ZFHX4: variants seen among roughly 807,000 people sequenced by gnomAD.
ZFHX4 encodes the protein zinc finger homeobox 4.
Under a neutral mutation model 267.6 loss-of-function variants are expected in ZFHX4, and 56 were observed. The ratio of observed to expected loss-of-function variants is 0.21; its 90% CI spans 0.17 to 0.26. ZFHX4 has a LOEUF of 0.26. ZFHX4 is among the 10% of genes least tolerant of loss of function. ZFHX4 has a pLI of 1.00. For synonymous variants in ZFHX4, 1,778 were observed against 1,665.6 expected, an observed-to-expected ratio of 1.07 and a Z score of -1.64; for missense variants, 4,332 against 4,420.0, an observed-to-expected ratio of 0.98 and a Z score of 0.56.
At chr8:76,775,364 G>A (rs1313452493) in intron 3 of ZFHX4, among the ~76,000 whole-genome samples, 1 of 152,190 alleles carries the variant, frequency 6.6e-6, no homozygotes, top group African/African-American at 2.4e-5. Context: ...GAAAATGTAC[G>A]CTGGGTAAGA....
rs142341557 is a variant in ZFHX4, at chr8:76,725,699, C to G, written c.3093+17651C>G. Among the ~76,000 whole-genome samples, 11 of 152,198 alleles carry G rather than the reference C, an allele frequency of 7.2e-5. 1 individual carries two copies. In the South Asian group the frequency reaches 1.7e-3, roughly 23 times the overall value. On this transcript the variant is annotated intron_variant, in intron 3 of 10. Coordinates refer to ENST00000651372, the MANE Select transcript of ZFHX4 (RefSeq NM_024721.5). ...CCTTATTTTAGGGTACTGATCAATG[C>G]GCAAACATCAGTGTACTGTAAACCT... is the stretch of plus-strand genomic sequence containing the variant.
intron 4 of ZFHX4, among the ~76,000 whole-genome samples, chr8:76,787,753 C>T (rs929723483): frequency 4.6e-5 from 7 of 151,388 alleles, no homozygotes; most frequent in African/African-American, 9.7e-5. Context: ...GCAGAGGTTG[C>T]GGTGAGCCGA....
chr8:76,695,323 A>C (rs1807929661), intron 1 of ZFHX4, among the ~76,000 whole-genome samples: 2 of 152,216 alleles, frequency 1.3e-5, no homozygotes, highest in African/African-American at 4.8e-5. Flanking sequence ...CTAAATACGC[A>C]TATATGGCCT....
At chr8:76,746,377 C>T (rs1809460483) in intron 3 of ZFHX4, among the ~76,000 whole-genome samples, 1 of 152,170 alleles carries the variant, frequency 6.6e-6, no homozygotes, top group Non-Finnish European at 1.5e-5. Flanking sequence ...GACTGTACTC[C>T]AGCCTGGGTG....
At chr8:76,730,516 C>A (rs1369531992) in intron 3 of ZFHX4, among the ~76,000 whole-genome samples, 2 of 152,146 alleles carry the variant, frequency 1.3e-5, no homozygotes, top group African/African-American at 2.4e-5. Flanking sequence ...GCCTGGCCAA[C>A]ATGGTCTCAA....
chr8:76,688,425 T>C (rs1255822442), intron 1 of ZFHX4, among the ~76,000 whole-genome samples: 1 of 152,130 alleles, frequency 6.6e-6, no homozygotes, highest in Non-Finnish European at 1.5e-5. Context: ...TGTATTTTCT[T>C]AAGATTTAAT....
chr8:76,704,108 C>T lies in ZFHX4; in HGVS notation c.20C>T (p.Pro7Leu). 1 of 1,611,212 alleles carries T rather than the reference C, an allele frequency of 6.2e-7. No homozygotes were observed. METCDS[P>L]PISRQENGQS... ...ATTGCCATGGAAACCTGTGACTCCCCTCCTATCTCAAGGCAGGAAAATGGG... is the reference window on the plus strand; with the variant it reads ...ATTGCCATGGAAACCTGTGACTCCCTTCCTATCTCAAGGCAGGAAAATGGG... Residue 7 changes from proline to leucine, a missense_variant, in exon 2 of 11, where the codon CCT becomes CTT. Physicochemically the swap from Pro to Leu is moderately conservative, Grantham distance 98. Transcript: ENST00000651372.
chr8:76,781,614 T>C (rs1810550251), intron 4 of ZFHX4, among the ~76,000 whole-genome samples: 2 of 152,054 alleles, frequency 1.3e-5, no homozygotes, highest in Non-Finnish European at 2.9e-5. Context: ...CTATTAACTT[T>C]TTATCACGAT....
In ZFHX4 at chr8:76,849,062, A is replaced by C; in HGVS notation, c.3579A>C (p.Ala1193=). 1 of 1,569,286 alleles carries C rather than the reference A, an allele frequency of 6.4e-7. No homozygotes were observed. Among genetic ancestry groups the C allele is most frequent in the Non-Finnish European group, 8.6e-7 (1 of 1,156,592 alleles). Residue 1193 remains alanine, a synonymous_variant, in exon 7 of 11, where the codon GCA becomes GCC. Transcript: ENST00000651372. The part of the protein sequence containing the change: ...VAGGTQPLLL[A]KEEDVATKRS... Reference sequence around the variant, plus strand: ...GGGGTACCCAGCCACTCCTGCTGGCAAAAGAAGAGGATGTTGCAACAAAAA... The same window carrying C: ...GGGGTACCCAGCCACTCCTGCTGGCCAAAGAAGAGGATGTTGCAACAAAAA...
At chr8:76,791,953 T>A (rs1391428912) in intron 4 of ZFHX4, among the ~76,000 whole-genome samples, 1 of 152,182 alleles carries the variant, frequency 6.6e-6, no homozygotes, top group Non-Finnish European at 1.5e-5. Context: ...ATCTTAACTA[T>A]ACAACCATGA....
At position 76,851,921 on chromosome 8, in the gene ZFHX4, C is replaced by T. The variant is rs758693011; in HGVS notation, c.5000C>T (p.Ala1667Val). The change falls in exon 10 of 11, where the codon GCC becomes GTC. Residue 1667 changes from alanine to valine, a missense_variant. By Grantham distance (64) the Ala-to-Val change is moderately conservative (BLOSUM62 0). Around this residue, in one of 7 missense-constraint regions of ZFHX4, gnomAD observed 1,371 missense variants for 1,423.1 expected, o/e 0.96. Coordinates refer to ENST00000651372, the MANE Select transcript of ZFHX4 (RefSeq NM_024721.5). ...AVNSKDTHLD[A>V]KELNKKQTPD... ...AACAGCAAAGATACCCATTTAGATGCCAAAGAATTAAATAAAAAGCAAACT... is the reference window on the plus strand; with the variant it reads ...AACAGCAAAGATACCCATTTAGATGTCAAAGAATTAAATAAAAAGCAAACT... 1.2e-6 allele frequency: 2 copies of T among 1,613,926 alleles called. No homozygotes were observed. Among genetic ancestry groups the T allele is most frequent in the East Asian group, 4.5e-5 (2 of 44,872 alleles).
Position 76,864,248 on chromosome 8 carries a change from A to G in ZFHX4, c.10534A>G (p.Asn3512Asp). 2 of 1,613,894 alleles carry G rather than the reference A, an allele frequency of 1.2e-6. No homozygotes were observed. The highest frequency in any genetic ancestry group is 8.5e-7 in the Non-Finnish European group (1 of 1,179,832). The change falls in exon 11 of 11, where the codon AAT (asparagine) becomes GAT (aspartate). Residue 3512 changes from asparagine to aspartate, a missense_variant. Around this residue, in one of 7 missense-constraint regions of ZFHX4, gnomAD observed 1,648 missense variants for 1,625.0 expected, o/e 1.01. Transcript: ENST00000651372. ...TACCTCGCAGTCTGCAGCTTCTTCT[A>G]ATAACACCTATCCTCATCTTTCTTG... ...TSTSQSAASS[N>D]NTYPHLSCFS... is the part of the protein sequence containing the mutation.
chr8:76,728,769 T>G (rs1808922620), intron 3 of ZFHX4, among the ~76,000 whole-genome samples: 2 of 152,140 alleles, frequency 1.3e-5, no homozygotes, highest in African/African-American at 4.8e-5. Context: ...CCCCAATCTT[T>G]ATGGAAGTGA....
intron 6 of ZFHX4, among the ~76,000 whole-genome samples, chr8:76,844,063 A>G (rs1011661518): frequency 6.6e-6 from 1 of 152,180 alleles, no homozygotes; most frequent in Non-Finnish European, 1.5e-5. Context: ...AAAAGAAGCC[A>G]TAGCTGTATA....
intron 3 of ZFHX4, among the ~76,000 whole-genome samples, chr8:76,728,262 G>A (rs1012277414): frequency 3.9e-5 from 6 of 152,216 alleles, no homozygotes; most frequent in African/African-American, 7.2e-5. Context: ...TCCTGGTCAC[G>A]GTTAAATCAT....
rs935404889 is a variant in ZFHX4 at position 76,705,861 on chromosome 8, T to C, written c.1773T>C (p.His591=). 5 of 1,613,648 alleles carry C rather than the reference T, an allele frequency of 3.1e-6. No individual in the cohort carries two copies. The Admixed American group carries it at 5.0e-5, about 16-fold the overall frequency. The change falls in exon 2 of 11, where the codon CAT becomes CAC. Residue 591 remains histidine, a synonymous_variant. Transcript: ENST00000651372. ...DEDSSATPHQ[H]GFTPSTPGTP... is the part of the protein sequence containing the mutation. The stretch of plus-strand genomic sequence containing the variant: ...ACAGTTCAGCCACTCCTCACCAGCA[T>C]GGCTTTACCCCGAGTACTCCTGGCA...
intron 4 of ZFHX4, among the ~76,000 whole-genome samples, chr8:76,825,219 A>T (rs555425781): frequency 6.6e-6 from 1 of 152,360 alleles, no homozygotes; most frequent in East Asian, 1.9e-4. Context: ...CATAAGTACA[A>T]CTACTACTTA....
At chr8:76,753,578 C>G (rs2131712450) in intron 3 of ZFHX4, among the ~76,000 whole-genome samples, 1 of 149,148 alleles carries the variant, frequency 6.7e-6, no homozygotes, top group South Asian at 2.1e-4. Context: ...CTGTAGGTCT[C>G]TGATTCTTTT....
intron 1 of ZFHX4, among the ~76,000 whole-genome samples, chr8:76,693,046 T>C (rs1807863228): frequency 6.6e-6 from 1 of 152,202 alleles, no homozygotes; most frequent in African/African-American, 2.4e-5. Context: ...ACATTTTTCA[T>C]GATGCTTGTT....
Sources: allele counts gnomAD v4.1 joint callset (sites outside exome capture counted in the v4.1 genomes callset), GRCh38; gene constraint gnomAD v4.1.1; regional missense constraint gnomAD v4.1.1; transcripts MANE v1.5; gene names NCBI Gene and HGNC (gene_info 2026-07-23, HGNC 2026-07-21).